GPC5: variants seen among roughly 807,000 people sequenced by gnomAD.
GPC5 encodes the protein glypican-5.
GPC5 carries 47 observed loss-of-function variants against 53.9 expected under a neutral mutation model. That is an observed-to-expected ratio of 0.87 (90% CI 0.69 to 1.11). The LOEUF is 1.11. Ranked by LOEUF, GPC5 falls within the 50% of genes most tolerant of loss-of-function variation. The pLI, the probability that GPC5 is intolerant of heterozygous loss-of-function variation, is 0.00. For missense variants in GPC5, 748 were observed against 713.1 expected, an observed-to-expected ratio of 1.05 and a Z score of -0.56; for synonymous variants, 286 against 263.3, an observed-to-expected ratio of 1.09 and a Z score of -0.84.
At chr13:91,600,334 AGAGAGAGAGAGAGAGT>A (rs771217647) in intron 2 of GPC5, among the ~76,000 whole-genome samples, 3,458 of 46,766 alleles carry the variant, frequency 0.074, 43 homozygotes, top group Middle Eastern at 0.15. Flanking sequence ...AGAGAGAGAG[AGAGAGAGAGAGAGAGT>A]GTGTGTGTGT....
intron 2 of GPC5, among the ~76,000 whole-genome samples, chr13:91,539,869 AG>A (rs1453832707): frequency 1.3e-5 from 2 of 152,110 alleles, no homozygotes; most frequent in Admixed American, 6.5e-5. Context: ...AAAACATAAT[AG>A]GAAAAAAAAA....
At chr13:92,703,069 TA>T in intron 7 of GPC5, among the ~76,000 whole-genome samples, 1 of 150,702 alleles carries the variant, frequency 6.6e-6, no homozygotes, top group African/African-American at 2.4e-5. Context: ...TTTATTTATT[TA>T]TTTATTTATT....
At chr13:91,831,300 C>A (rs576443574) in intron 5 of GPC5, among the ~76,000 whole-genome samples, 3 of 151,580 alleles carry the variant, frequency 2.0e-5, no homozygotes, top group Non-Finnish European at 2.9e-5. Context: ...GACAATCTCT[C>A]ATTTTTACAT....
At chr13:92,590,356 T>A (rs1883674250) in intron 7 of GPC5, among the ~76,000 whole-genome samples, 1 of 151,828 alleles carries the variant, frequency 6.6e-6, no homozygotes, top group African/African-American at 2.4e-5. Context: ...TGAGGACAGT[T>A]TATCTATTGA....
intron 5 of GPC5, among the ~76,000 whole-genome samples, chr13:91,852,576 G>A (rs2038926515): frequency 6.6e-6 from 1 of 151,886 alleles, no homozygotes; most frequent in Non-Finnish European, 1.5e-5. Context: ...TGGTGTTGGA[G>A]TCCATGTTTT....
chr13:92,104,141 A>C lies in GPC5; in HGVS notation c.1402-40689A>C, dbSNP rs72635473. ...GAGGGAACTGCCAGGTTAAACAATG[A>C]AAATACTGAGAATGGAGCTTTTGGG... On this transcript the variant is annotated intron_variant, in intron 6 of 7. Transcript: ENST00000377067. Among the ~76,000 whole-genome samples, 1,055 of 152,308 alleles carry C rather than the reference A, an allele frequency of 6.9e-3. 8 individuals carry two copies. The highest frequency in any genetic ancestry group is 0.024 in the Middle Eastern group (7 of 294).
At chr13:91,819,897 A>G (rs1036709050) in intron 5 of GPC5, among the ~76,000 whole-genome samples, 12 of 152,176 alleles carry the variant, frequency 7.9e-5, no homozygotes, top group African/African-American at 2.7e-4. Context: ...TCCGCAACAC[A>G]TAGTATTGTC....
intron 5 of GPC5, among the ~76,000 whole-genome samples, chr13:91,834,663 T>C (rs949280288): frequency 6.6e-6 from 1 of 152,178 alleles, no homozygotes; most frequent in Non-Finnish European, 1.5e-5. Context: ...CCCTATTTAA[T>C]AAATGGTGTT....
At chr13:92,399,057 C>G (rs1218793370) in intron 7 of GPC5, among the ~76,000 whole-genome samples, 1 of 152,222 alleles carries the variant, frequency 6.6e-6, no homozygotes, top group Admixed American at 6.5e-5. Flanking sequence ...TCTGCTCAAG[C>G]CTAACCACCA....
At chr13:92,603,301 T>C (rs1479928223) in intron 7 of GPC5, among the ~76,000 whole-genome samples, 1 of 152,136 alleles carries the variant, frequency 6.6e-6, no homozygotes, top group African/African-American at 2.4e-5. Flanking sequence ...GCATTTTTTT[T>C]TTCCATATTC....
chr13:91,573,477 A>T (rs1441933621), intron 2 of GPC5, among the ~76,000 whole-genome samples: 1 of 152,196 alleles, frequency 6.6e-6, no homozygotes, highest in African/African-American at 2.4e-5. Context: ...AATGAAGCTG[A>T]ATATCTTTAG....
At chr13:92,619,946 C>T (rs1484084746) in intron 7 of GPC5, among the ~76,000 whole-genome samples, 2 of 151,856 alleles carry the variant, frequency 1.3e-5, no homozygotes, top group Non-Finnish European at 2.9e-5. Context: ...AATCAGAGGA[C>T]AGTATATAAT....
intron 4 of GPC5, among the ~76,000 whole-genome samples, chr13:91,735,989 A>C (rs163729): frequency 0.74 from 111,857 of 150,938 alleles, 42,035 homozygotes; most frequent in Middle Eastern, 0.82. Flanking sequence ...AATCTCATTG[A>C]GATTACAGAG....
At chr13:92,464,971 G>A (rs1878634968) in intron 7 of GPC5, among the ~76,000 whole-genome samples, 1 of 151,662 alleles carries the variant, frequency 6.6e-6, no homozygotes, top group Non-Finnish European at 1.5e-5. Context: ...CATAATGAAA[G>A]AAGAAGAAAA....
At chr13:91,439,592 G>GT (rs1006432749) in intron 1 of GPC5, among the ~76,000 whole-genome samples, 39 of 151,782 alleles carry the variant, frequency 2.6e-4, no homozygotes, top group Admixed American at 2.0e-3. Flanking sequence ...GCTGAATTCT[G>GT]TTTTTTTTCC....
At chr13:91,628,557 T>C (rs2034073074) in intron 2 of GPC5, among the ~76,000 whole-genome samples, 1 of 152,126 alleles carries the variant, frequency 6.6e-6, no homozygotes, top group Non-Finnish European at 1.5e-5. Context: ...AGTAAAATAA[T>C]AAGTAATTTT....
intron 7 of GPC5, among the ~76,000 whole-genome samples, chr13:92,394,549 TG>T (rs1368575135): frequency 6.6e-6 from 1 of 152,212 alleles, no homozygotes. Flanking sequence ...GCTGGAACCC[TG>T]ATCTCAGACC....
chr13:91,613,664 G>C (rs916797385), intron 2 of GPC5, among the ~76,000 whole-genome samples: 33 of 152,186 alleles, frequency 2.2e-4, no homozygotes, highest in African/African-American at 8.0e-4. Flanking sequence ...AGAAGAAGAA[G>C]TGGTTAGGAA....
chr13:92,647,187 T>G (rs949811081), intron 7 of GPC5, among the ~76,000 whole-genome samples: 2 of 152,166 alleles, frequency 1.3e-5, no homozygotes, highest in African/African-American at 4.8e-5. Context: ...CATCCTTACC[T>G]TGTTTTCAAC....
Sources: gnomAD v4.1 joint callset for allele counts (sites outside exome capture counted in the v4.1 genomes callset) on GRCh38, gnomAD v4.1.1 for gene constraint, MANE v1.5 for transcripts, NCBI Gene and HGNC (gene_info 2026-07-23, HGNC 2026-07-21) for gene names.